The following AFTPH variants were observed in gnomAD, a reference collection of about 807,000 sequenced individuals.
AFTPH encodes the protein aftiphilin.
AFTPH carries 7 observed loss-of-function variants against 72.5 expected under a neutral mutation model. That is an observed-to-expected ratio of 0.10 (90% CI 0.05 to 0.18). The LOEUF (loss-of-function observed/expected upper bound fraction) is 0.18. Ranked by LOEUF, AFTPH falls within the 10% of genes least tolerant of loss-of-function variation. AFTPH has a pLI of 1.00. For missense variants in AFTPH, 979 were observed against 1,060.5 expected (o/e 0.92, Z 1.07); for synonymous variants, 337 against 370.1 (o/e 0.91, Z 1.03).
At chr2:64,590,619 A>C (rs1282994071) in intron 8 of AFTPH, among the ~76,000 whole-genome samples, 5 of 152,180 alleles carry the variant, frequency 3.3e-5, no homozygotes, top group African/African-American at 7.2e-5. Context: ...AAAAATGTAG[A>C]TTTTCATCAG....
chr2:64,556,248 A>G (rs1226608803), intron 2 of AFTPH, among the ~76,000 whole-genome samples: 2 of 152,278 alleles, frequency 1.3e-5, no homozygotes, highest in Non-Finnish European at 2.9e-5. Context: ...TCGGCCTCCC[A>G]AAGTGCTGGG....
intron 6 of AFTPH, among the ~76,000 whole-genome samples, chr2:64,575,891 A>G (rs1457619479): frequency 2.0e-5 from 3 of 151,610 alleles, no homozygotes; most frequent in African/African-American, 7.3e-5. Context: ...GGCACACACC[A>G]CACCACCAGA....
intron 1 of AFTPH, among the ~76,000 whole-genome samples, chr2:64,543,929 GATTA>G (rs1670405309): frequency 6.6e-6 from 1 of 152,164 alleles, no homozygotes; most frequent in Admixed American, 6.5e-5. Flanking sequence ...TTTGGTGGAA[GATTA>G]ATACAGAATC....
chr2:64,527,612 A>G (rs189644689), intron 1 of AFTPH, among the ~76,000 whole-genome samples: 1 of 152,190 alleles, frequency 6.6e-6, no homozygotes, highest in African/African-American at 2.4e-5. Context: ...AAGTTTAGGT[A>G]TTTAACTTTA....
intron 8 of AFTPH, among the ~76,000 whole-genome samples, chr2:64,590,181 G>A (rs1673739444): frequency 6.6e-6 from 1 of 152,174 alleles, no homozygotes; most frequent in South Asian, 2.1e-4. Flanking sequence ...TTTTAACCTA[G>A]CATATCTCCT....
intron 1 of AFTPH, among the ~76,000 whole-genome samples, chr2:64,533,016 A>C (rs1029821147): frequency 6.6e-6 from 1 of 152,192 alleles, no homozygotes; most frequent in Non-Finnish European, 1.5e-5. Context: ...GGAAACATTT[A>C]CCTTTTTCCT....
rs545697231 is a variant in AFTPH, at chr2:64,587,189, C to T, written c.2579+1644C>T. The stretch of plus-strand genomic sequence containing the variant: ...CTTTAAGAAGCTATTTTCATTTTTT[C>T]TCTTGTTCTATACTAATAGGGAATG... On this transcript the variant is annotated intron_variant, in intron 8 of 8. Coordinates refer to ENST00000238856, the Ensembl canonical transcript of AFTPH. 7.9e-5 allele frequency among the ~76,000 whole-genome samples: 12 copies of T among 152,218 alleles called. No individual in the cohort carries two copies. The East Asian group carries it at 2.3e-3, about 29-fold the overall frequency.
chr2:64,566,996 T>C (rs1672125562), intron 2 of AFTPH, among the ~76,000 whole-genome samples: 1 of 152,246 alleles, frequency 6.6e-6, no homozygotes, highest in African/African-American at 2.4e-5. Flanking sequence ...CATTCTTTGC[T>C]ACTTTGGTTT....
exon 2 of AFTPH, chr2:64,553,209 C>A: frequency 6.2e-7 from 1 of 1,614,000 alleles, no homozygotes; most frequent in South Asian, 1.1e-5. Context: ...TGAGGATGAA[C>A]AAAAAGATAG....
chr2:64,570,491 A>G (rs1228132733), intron 5 of AFTPH, among the ~76,000 whole-genome samples: 1 of 152,180 alleles, frequency 6.6e-6, no homozygotes, highest in Admixed American at 6.5e-5. Flanking sequence ...GAATTGGAAC[A>G]TTTTGATTTG....
At chr2:64,581,347 A>C in intron 7 of AFTPH, 74 bp downstream of exon 8, 1 of 1,178,758 alleles carries the variant, frequency 8.5e-7, no homozygotes, top group Non-Finnish European at 1.2e-6. Flanking sequence ...CTTTCCTATA[A>C]ACAAGGAAAC....
intron 1 of AFTPH, 133 bp from the exon 2 acceptor site, chr2:64,551,310 T>C: frequency 4.4e-6 from 3 of 678,702 alleles, no homozygotes; most frequent in Non-Finnish European, 7.1e-6. Flanking sequence ...ATGCAGGACA[T>C]GGTCAAGGAA....
At chr2:64,569,131 T>C (rs747798962) in exon 4 of AFTPH, 3 of 1,614,130 alleles carry the variant, frequency 1.9e-6, no homozygotes, top group Non-Finnish European at 2.5e-6. Flanking sequence ...AGGATATCCA[T>C]GATGCACATG....
intron 6 of AFTPH, among the ~76,000 whole-genome samples, chr2:64,577,203 T>C (rs1182410313): frequency 1.3e-5 from 2 of 152,236 alleles, no homozygotes; most frequent in Non-Finnish European, 2.9e-5. Context: ...CTAGTGCTTT[T>C]ATCTCTGCAG....
Position 64,573,953 on chromosome 2 carries a change from C to A in AFTPH, c.2394+885C>A, listed in dbSNP as rs147507468. 7.0e-3 allele frequency among the ~76,000 whole-genome samples: 1,062 copies of A among 152,262 alleles called. 28 individuals carry two copies. Among genetic ancestry groups the A allele is most frequent in the Admixed American group, 0.02 (311 of 15,290 alleles). ...TACAGGTGTGAGCCATCACACGCAG[C>A]CAGAAAACTGTCTTGCCTTTCTTAT... On this transcript the variant is annotated intron_variant, in intron 6 of 8. Transcript: ENST00000238856.
intron 1 of AFTPH, among the ~76,000 whole-genome samples, chr2:64,550,952 A>G (rs762173569): frequency 2.6e-5 from 4 of 152,226 alleles, no homozygotes; most frequent in Non-Finnish European, 5.9e-5. Context: ...GTCAGAAATA[A>G]ACATTGAAAA....
At chr2:64,567,126 T>C (rs1307784000) in intron 2 of AFTPH, among the ~76,000 whole-genome samples, 1 of 152,226 alleles carries the variant, frequency 6.6e-6, no homozygotes, top group Non-Finnish European at 1.5e-5. Context: ...TTATTGTTCC[T>C]AAATCTAGAG....
At chr2:64,569,027 A>G (rs1369318295) in intron 3 of AFTPH, 65 bp from the exon 4 acceptor site, 3 of 1,578,606 alleles carry the variant, frequency 1.9e-6, no homozygotes, top group Admixed American at 1.7e-5. Flanking sequence ...CCATATTATA[A>G]GTAGAACTCA....
At chr2:64,559,725 G>A (rs1376273764) in intron 2 of AFTPH, among the ~76,000 whole-genome samples, 2 of 152,062 alleles carry the variant, frequency 1.3e-5, no homozygotes, top group Admixed American at 6.5e-5. Context: ...TTGTTTTTGA[G>A]ACAGGGTCCC....
Sources: gnomAD v4.1 joint callset for allele counts (sites outside exome capture counted in the v4.1 genomes callset) on GRCh38, gnomAD v4.1.1 for gene constraint, MANE v1.5 for transcripts, NCBI Gene and HGNC (gene_info 2026-07-23, HGNC 2026-07-21) for gene names.